The following PLEKHG3 variants were observed in gnomAD, a reference collection of about 807,000 sequenced individuals.
The protein encoded by PLEKHG3 is pleckstrin homology and RhoGEF domain containing G3, also known as pleckstrin homology domain-containing family G member 3.
PLEKHG3 carries 62 observed loss-of-function variants against 94.9 expected under a neutral mutation model. The observed-to-expected ratio is 0.65, with a 90% CI of 0.53 to 0.81. The LOEUF (loss-of-function observed/expected upper bound fraction) is 0.81, where lower values mean the gene tolerates loss of function less well. Among genes scored for constraint, PLEKHG3 ranks in the 30% least tolerant of loss-of-function variants. PLEKHG3 has a pLI of 0.00. For synonymous variants in PLEKHG3, 614 were observed against 654.0 expected, an observed-to-expected ratio of 0.94 and a Z score of 0.93; for missense variants, 1,461 against 1,619.3, an observed-to-expected ratio of 0.90 and a Z score of 1.68.
rs41456047 is a variant in PLEKHG3 at position 64,717,787 on chromosome 14, A to G, written c.-39-9806A>G. Among the ~76,000 whole-genome samples the G allele has an allele frequency of 0.014, 2,091 of 151,858 alleles. 43 individuals are homozygous for G. The highest frequency in any genetic ancestry group is 0.047 in the African/African-American group (1,938 of 41,374). ...CTGGGCTTCTGCATTCTTCTTGAAC[A>G]CTCCCTGGCTCTAGGGACACCTGCA... On this transcript the variant is annotated intron_variant, in intron 1 of 16. Coordinates refer to ENST00000247226, the MANE Select transcript of PLEKHG3 (RefSeq NM_001308147.2). This position sits in a 1 kb window ranked among gnomAD's most constrained non-coding sequence, Gnocchi z 4.7.
intron 14 of PLEKHG3, chr14:64,737,979 G>A (rs958403966): frequency 1.9e-6 from 2 of 1,054,432 alleles, no homozygotes; most frequent in Admixed American, 3.2e-5. Flanking sequence ...GGAGGTGGTG[G>A]AGGAGGAGGA....
In PLEKHG3 at chr14:64,731,178, G is replaced by A. The variant is rs2081453954; in HGVS notation, c.849+9G>A. On this transcript the variant is annotated intron_variant, in intron 7 of 16. Transcript: ENST00000247226. The surrounding 1 kb of genome is among the most constrained non-coding windows in gnomAD (Gnocchi z 6.1). ...ACGCGGTCCGGCTCCAGGTGCTCTG[G>A]GGCTGGGACGCTGGGGGAGGGGCAG... The A allele has an allele frequency of 6.2e-7, 1 of 1,606,980 alleles. No homozygotes were observed. Among genetic ancestry groups the A allele is most frequent in the Admixed American group, 1.7e-5 (1 of 59,790 alleles).
intron 1 of PLEKHG3, among the ~76,000 whole-genome samples, chr14:64,708,804 G>T (rs572080512): frequency 2.6e-5 from 4 of 152,052 alleles, no homozygotes; most frequent in Non-Finnish European, 5.9e-5. Context: ...GTCATGGCCA[G>T]TTCCACCCCC....
chr14:64,737,355 G>T lies in PLEKHG3; in HGVS notation c.1385-1G>T. ...GGGGGACCCGGTGGTGATGTCTGCAGCCCGAGCAGCAGGAATGAAGGTAAA... is the reference window on the plus strand; with the variant it reads ...GGGGGACCCGGTGGTGATGTCTGCATCCCGAGCAGCAGGAATGAAGGTAAA... On this transcript the variant is annotated splice_acceptor_variant, in intron 13 of 16. Transcript: ENST00000247226. LOFTEE classifies it high-confidence loss of function. 6.2e-7 allele frequency: 1 copy of T among 1,602,816 alleles called. No homozygotes were observed. Among genetic ancestry groups the T allele is most frequent in the Non-Finnish European group, 8.5e-7 (1 of 1,175,294 alleles).
rs2081344439 is a variant in PLEKHG3, at chr14:64,725,971, T to G, written c.-39-1622T>G. ...GCAGAGGGTCTCAAACTAGTCACACTGTCTCAGGCCAGTGCTACAGTAGGA... is the reference window on the plus strand; with the variant it reads ...GCAGAGGGTCTCAAACTAGTCACACGGTCTCAGGCCAGTGCTACAGTAGGA... On this transcript the variant is annotated intron_variant, in intron 1 of 16. Coordinates refer to ENST00000247226, the MANE Select transcript of PLEKHG3 (RefSeq NM_001308147.2). This position sits in a 1 kb window ranked among gnomAD's most constrained non-coding sequence, Gnocchi z 5.0. Among the ~76,000 whole-genome samples, 1 of 152,208 alleles carries G rather than the reference T, an allele frequency of 6.6e-6. No homozygotes were observed. The highest frequency in any genetic ancestry group is 6.5e-5 in the Admixed American group (1 of 15,286).
At chr14:64,713,864 A>G (rs1368379408) in intron 1 of PLEKHG3, among the ~76,000 whole-genome samples, 1 of 151,582 alleles carries the variant, frequency 6.6e-6, no homozygotes, top group African/African-American at 2.4e-5. Context: ...TTTATCTTTC[A>G]CTTAACTAAT....
chr14:64,706,021 T>C (rs895217417), intron 1 of PLEKHG3, among the ~76,000 whole-genome samples: 1 of 152,074 alleles, frequency 6.6e-6, no homozygotes, highest in Non-Finnish European at 1.5e-5. Context: ...GGGCAGGAAG[T>C]TGGGGGAAGA....
rs2081693827 is a variant in PLEKHG3, at chr14:64,741,553, A to C, written c.2036A>C (p.Asp679Ala). 6.2e-7 allele frequency: 1 copy of C among 1,612,984 alleles called. No individual in the cohort carries two copies. The highest frequency in any genetic ancestry group is 8.5e-7 in the Non-Finnish European group (1 of 1,180,018). Residue 679 changes from aspartate to alanine, a missense_variant, in exon 16 of 17, where the codon GAC becomes GCC. This residue lies in a region of PLEKHG3 where 1,201 missense variants were observed against 1,295.5 expected (regional missense o/e 0.93). Transcript: ENST00000247226. ...VDISVGVATEDSPSVNGMEPP... is the reference protein window; with the variant it reads ...VDISVGVATEASPSVNGMEPP... ...ATCAGTGTGGGGGTGGCCACAGAGGACAGCCCTTCTGTCAATGGGATGGAG... is the reference window on the plus strand; with the variant it reads ...ATCAGTGTGGGGGTGGCCACAGAGGCCAGCCCTTCTGTCAATGGGATGGAG...
rs540053703 is a variant in PLEKHG3 at position 64,732,251 on chromosome 14, T to C, written c.1212+70T>C. 420 of 1,417,830 alleles carry C rather than the reference T, an allele frequency of 3.0e-4. No homozygotes were observed. The highest frequency in any genetic ancestry group is 1.2e-4 in the Admixed American group (7 of 59,516). The allele number at this position is 1,417,830 out of a possible 1,614,324, so 87.8% of individuals were successfully genotyped here. A position where few individuals can be genotyped will look rare whatever the true frequency, so the allele number is the denominator to read the frequency against. On this transcript the variant is annotated intron_variant, in intron 10 of 16. Transcript: ENST00000247226. This position sits in a 1 kb window ranked among gnomAD's most constrained non-coding sequence, Gnocchi z 4.9. ...CTCTGAGCCAGCTCTGCAAGGTCCA[T>C]TGGGGGCTCACCTTCTGGATTTGGG...
rs1280796609 is a variant in PLEKHG3, at chr14:64,738,748, G to A, written c.1411G>A (p.Gly471Arg). The part of the protein sequence containing the change: ...KARAAGMKGK[G>R]RRESESSRSS... ...CTGACCTCTACCTCTGCAGGGAAAGGGGCGCAGGGAGTCTGAAAGCTCCAG... is the reference window on the plus strand; with the variant it reads ...CTGACCTCTACCTCTGCAGGGAAAGAGGCGCAGGGAGTCTGAAAGCTCCAG... The change falls in exon 15 of 17, where the codon GGG becomes AGG. Residue 471 changes from glycine (G) to arginine (R), a missense_variant. Gly to Arg is a moderately radical substitution (Grantham distance 125, BLOSUM62 -2). Around this residue, in one of 3 missense-constraint regions of PLEKHG3, gnomAD observed 1,201 missense variants for 1,295.5 expected, o/e 0.93. Transcript: ENST00000247226. The surrounding 1 kb of genome is among the most constrained non-coding windows in gnomAD (Gnocchi z 4.8). 2 of 1,581,100 alleles carry A rather than the reference G, an allele frequency of 1.3e-6. No homozygotes were observed. Among genetic ancestry groups the A allele is most frequent in the East Asian group, 2.3e-5 (1 of 43,238 alleles).
At position 64,739,784 on chromosome 14, in the gene PLEKHG3, G is replaced by T. The variant is rs551418674; in HGVS notation, c.1518+929G>T. ...AAGGAAGCTCCCTTGATCCTCATTT[G>T]TAAGGGATCTGACCCCACTCATGAG... is the stretch of plus-strand genomic sequence containing the variant. On this transcript the variant is annotated intron_variant, in intron 15 of 16. Transcript: ENST00000247226. The surrounding 1 kb of genome is among the most constrained non-coding windows in gnomAD (Gnocchi z 4.1). Among the ~76,000 whole-genome samples the T allele has an allele frequency of 6.6e-6, 1 of 152,168 alleles. No homozygotes were observed. The highest frequency in any genetic ancestry group is 1.5e-5 in the Non-Finnish European group (1 of 68,026).
chr14:64,741,258 G>A lies in PLEKHG3; in HGVS notation c.1741G>A (p.Glu581Lys). 6.2e-7 allele frequency: 1 copy of A among 1,614,010 alleles called. No homozygotes were observed. The highest frequency in any genetic ancestry group is 8.5e-7 in the Non-Finnish European group (1 of 1,180,012). ...DLKALSSEEE[E>K]EMGGAAQEPE... ...TAAGGCCCTGAGCAGCGAGGAGGAA[G>A]AAGAAATGGGAGGTGCCGCCCAGGA... The change falls in exon 16 of 17, where the codon GAA becomes AAA. Residue 581 changes from glutamate to lysine, a missense_variant. Glu to Lys is a moderately conservative substitution (Grantham distance 56, BLOSUM62 1). Around this residue, in one of 3 missense-constraint regions of PLEKHG3, gnomAD observed 1,201 missense variants for 1,295.5 expected, o/e 0.93. Coordinates refer to ENST00000247226, the MANE Select transcript of PLEKHG3 (RefSeq NM_001308147.2).
rs1159202803 is a variant in PLEKHG3 at position 64,739,083 on chromosome 14, G to T, written c.1518+228G>T. ...GAAGTAGAGAAAGGCTCCCCTTTGG[G>T]CAGATGCAGTCCCATGTCAAGGGCA... is the stretch of plus-strand genomic sequence containing the variant. On this transcript the variant is annotated intron_variant, in intron 15 of 16. Coordinates refer to ENST00000247226, the MANE Select transcript of PLEKHG3 (RefSeq NM_001308147.2). This position sits in a 1 kb window ranked among gnomAD's most constrained non-coding sequence, Gnocchi z 4.1. Among the ~76,000 whole-genome samples, 3 of 152,182 alleles carry T rather than the reference G, an allele frequency of 2.0e-5. No individual in the cohort carries two copies. Among genetic ancestry groups the T allele is most frequent in the Non-Finnish European group, 4.4e-5 (3 of 68,024 alleles).
In PLEKHG3 at chr14:64,727,365, C is replaced by T. The variant is rs2081371445; in HGVS notation, c.-39-228C>T. On this transcript the variant is annotated intron_variant, in intron 1 of 16. Coordinates refer to ENST00000247226, the MANE Select transcript of PLEKHG3 (RefSeq NM_001308147.2). This position sits in a 1 kb window ranked among gnomAD's most constrained non-coding sequence, Gnocchi z 6.0. ...TAAATACACATAACATAAAATTTAC[C>T]ATCTTCACCATTTTAAGTGTACAGT... 1.3e-5 allele frequency among the ~76,000 whole-genome samples: 2 copies of T among 152,134 alleles called. No homozygotes were observed. Among genetic ancestry groups the T allele is most frequent in the East Asian group, 1.9e-4 (1 of 5,200 alleles).
chr14:64,726,225 T>C lies in PLEKHG3; in HGVS notation c.-39-1368T>C, dbSNP rs1365968661. Among the ~76,000 whole-genome samples the C allele has an allele frequency of 6.6e-6, 1 of 152,016 alleles. No homozygotes were observed. The highest frequency in any genetic ancestry group is 1.5e-5 in the Non-Finnish European group (1 of 67,994). ...GGGTGTTGGTTTCCAGGTTGAGGCA[T>C]AGGCACAGAAAACCAGGGGTCAGTG... On this transcript the variant is annotated intron_variant, in intron 1 of 16. Transcript: ENST00000247226. This position sits in a 1 kb window ranked among gnomAD's most constrained non-coding sequence, Gnocchi z 5.1.
chr14:64,706,790 G>C (rs1307798119), intron 1 of PLEKHG3, among the ~76,000 whole-genome samples: 1 of 152,270 alleles, frequency 6.6e-6, no homozygotes, highest in Non-Finnish European at 1.5e-5. Context: ...CAGGGCTGGA[G>C]GGGGAAGGCT....
At chr14:64,708,254 C>A (rs541353089) in intron 1 of PLEKHG3, among the ~76,000 whole-genome samples, 1 of 152,308 alleles carries the variant, frequency 6.6e-6, no homozygotes, top group African/African-American at 2.4e-5. Flanking sequence ...CCACCCCCCT[C>A]TTGCTCTGGA....
rs376310988 is a variant in PLEKHG3 at position 64,743,037 on chromosome 14, G to A, written c.2994G>A (p.Glu998=). ...ACTATGAGCAGCTGATGGCCCAGGA[G>A]CACAGCCCTCCCAAGCCCTCCTCGG... The part of the protein sequence containing the change: ...LFDYEQLMAQ[E]HSPPKPSSAG... Residue 998 remains glutamate, a synonymous_variant, in exon 17 of 17, where the codon GAG becomes GAA. Transcript: ENST00000247226. The surrounding 1 kb of genome is among the most constrained non-coding windows in gnomAD (Gnocchi z 7.2). The A allele has an allele frequency of 6.2e-6, 10 of 1,613,286 alleles. No individual in the cohort carries two copies. The highest frequency in any genetic ancestry group is 7.6e-6 in the Non-Finnish European group (9 of 1,179,824).
chr14:64,750,096 C>A lies in PLEKHG3; in HGVS notation c.*6393C>A. The A allele has an allele frequency of 1.2e-6, 2 of 1,614,194 alleles. No individual in the cohort carries two copies. On this transcript the variant is annotated 3_prime_UTR_variant, in exon 17 of 17. Coordinates refer to ENST00000247226, the MANE Select transcript of PLEKHG3 (RefSeq NM_001308147.2). ...GGCATCCCCAGGGCCAGGTTCTTGG[C>A]ATCCTTGTAGAAGGTTAGCTCACTG...
Sources: gnomAD v4.1 joint callset for allele counts (sites outside exome capture counted in the v4.1 genomes callset) on GRCh38, gnomAD v4.1.1 for gene constraint, gnomAD v4.1.1 regional missense constraint, Gnocchi (gnomAD v3.1) non-coding constraint, MANE v1.5 for transcripts, NCBI Gene and HGNC (gene_info 2026-07-23, HGNC 2026-07-21) for gene names.